PRUNE2: variants seen among roughly 807,000 people sequenced by gnomAD.
PRUNE2 encodes prune homolog 2 with BCH domain.
PRUNE2 carries 164 observed loss-of-function variants against 252.0 expected under a neutral mutation model. That is an observed-to-expected ratio of 0.65 (90% CI 0.57 to 0.74). The LOEUF (loss-of-function observed/expected upper bound fraction) is 0.74, where lower values mean the gene tolerates loss of function less well. Among genes scored for constraint, PRUNE2 ranks in the 30% least tolerant of loss-of-function variants. PRUNE2 has a pLI of 0.00. For missense variants in PRUNE2, 3,495 were observed against 3,711.0 expected, an observed-to-expected ratio of 0.94 and a Z score of 1.51; for synonymous variants, 1,292 against 1,350.2, an observed-to-expected ratio of 0.96 and a Z score of 0.94.
At chr9:76,673,957 G>A (rs2042025740) in intron 9 of PRUNE2, among the ~76,000 whole-genome samples, 1 of 152,140 alleles carries the variant, frequency 6.6e-6, no homozygotes, top group Admixed American at 6.5e-5. Context: ...CATACTGAAT[G>A]GGCAAAAACT....
chr9:76,808,734 G>A (rs1484417495), intron 6 of PRUNE2: 1 of 152,706 alleles, frequency 6.5e-6, no homozygotes, highest in East Asian at 1.9e-4. Flanking sequence ...TAATTAACTG[G>A]ATTACACGGT....
intron 2 of PRUNE2, among the ~76,000 whole-genome samples, chr9:76,851,924 T>C (rs371993594): frequency 6.6e-6 from 1 of 152,146 alleles, no homozygotes; most frequent in African/African-American, 2.4e-5. Flanking sequence ...TAATCCTAAC[T>C]ATCAATGAGA....
intron 6 of PRUNE2, among the ~76,000 whole-genome samples, chr9:76,731,795 C>A (rs548039568): frequency 2.0e-5 from 3 of 152,234 alleles, no homozygotes; most frequent in African/African-American, 7.2e-5. Flanking sequence ...GCTTTGTCTG[C>A]ATTATTTAGA....
rs563800075 is a variant in PRUNE2 at position 76,874,033 on chromosome 9, A to G, written c.37-19825T>C. ...TGTCACTGCAGTGCTTGCTCAGTACATCTCTTCGGGAGATGTAATACTGAA... is the reference window on the plus strand; with the variant it reads ...TGTCACTGCAGTGCTTGCTCAGTACGTCTCTTCGGGAGATGTAATACTGAA... On this transcript the variant is annotated intron_variant, in intron 1 of 18. Coordinates refer to ENST00000376718, the MANE Select transcript of PRUNE2 (RefSeq NM_015225.3). 1.6e-4 allele frequency among the ~76,000 whole-genome samples: 24 copies of G among 152,306 alleles called. 1 individual carries two copies. The highest frequency in any genetic ancestry group is 5.5e-4 in the African/African-American group (23 of 41,570).
At chr9:76,749,126 C>T (rs954777075) in intron 6 of PRUNE2, among the ~76,000 whole-genome samples, 5 of 152,306 alleles carry the variant, frequency 3.3e-5, no homozygotes, top group African/African-American at 1.2e-4. Flanking sequence ...TACAAGACGT[C>T]GGTTCCATGT....
At chr9:76,713,480 A>G in intron 7 of PRUNE2, 83 bp downstream of exon 7, 1 of 1,143,172 alleles carries the variant, frequency 8.7e-7, no homozygotes, top group Non-Finnish European at 1.2e-6. Flanking sequence ...TGAGCCACCA[A>G]TCTGTTCTGT....
At chr9:76,650,519 T>C (rs1448710769) in intron 11 of PRUNE2, among the ~76,000 whole-genome samples, 22 of 152,178 alleles carry the variant, frequency 1.4e-4, no homozygotes. Context: ...CAAACATATT[T>C]ATAATCCAAC....
intron 6 of PRUNE2, among the ~76,000 whole-genome samples, chr9:76,747,615 C>T (rs2050239247): frequency 6.6e-6 from 1 of 152,124 alleles, no homozygotes; most frequent in Non-Finnish European, 1.5e-5. Context: ...GAGTTGGTTC[C>T]TGTATGTGCT....
At chr9:76,889,905 A>G (rs1651456097) in intron 1 of PRUNE2, among the ~76,000 whole-genome samples, 1 of 152,282 alleles carries the variant, frequency 6.6e-6, no homozygotes, top group South Asian at 2.1e-4. Context: ...AGCCTGTTAG[A>G]AGTGCAAAAT....
rs549542024 is a variant in PRUNE2, at chr9:76,804,714, G to C, written c.756+18918C>G. ...GGTGCTGGGAAGGAGAAAGAGAGTGGGGGCAGCGTGCTTGTTCCTACATTT... is the reference window on the plus strand; with the variant it reads ...GGTGCTGGGAAGGAGAAAGAGAGTGCGGGCAGCGTGCTTGTTCCTACATTT... On this transcript the variant is annotated intron_variant, in intron 6 of 18. Coordinates refer to ENST00000376718, the MANE Select transcript of PRUNE2 (RefSeq NM_015225.3). 2.6e-5 allele frequency among the ~76,000 whole-genome samples: 4 copies of C among 152,292 alleles called. No individual in the cohort carries two copies. The South Asian group carries it at 8.3e-4, about 32-fold the overall frequency.
At chr9:76,626,948 A>AAT (rs1835065033) in intron 16 of PRUNE2, among the ~76,000 whole-genome samples, 1 of 152,156 alleles carries the variant, frequency 6.6e-6, no homozygotes, top group Non-Finnish European at 1.5e-5. Flanking sequence ...TAAGTCTCTA[A>AAT]AGCCCATTCA....
rs760557772 is a variant in PRUNE2 at position 76,710,923 on chromosome 9, G to A, written c.1351C>T (p.Pro451Ser). ...TGAGGCCCAGCACCTTCTCCCACGGGGCTGTCGTCACTGAGGAAAACAGAG... is the reference window on the plus strand; with the variant it reads ...TGAGGCCCAGCACCTTCTCCCACGGAGCTGTCGTCACTGAGGAAAACAGAG... Reference protein sequence around the residue: ...ESSVFLSDDSPVGEGAGPHHT... With the variant: ...ESSVFLSDDSSVGEGAGPHHT... Residue 451 changes from proline (P) to serine (S), a missense_variant, in exon 8 of 19, where the codon CCC becomes TCC. Physicochemically the swap from Pro to Ser is moderately conservative, Grantham distance 74 (BLOSUM62 -1). Transcript: ENST00000376718. 24 of 1,565,732 alleles carry A rather than the reference G, an allele frequency of 1.5e-5. No individual in the cohort carries two copies. The South Asian group carries it at 2.8e-4, about 18-fold the overall frequency.
In PRUNE2 at chr9:76,637,478, G is replaced by A; in HGVS notation, c.8903C>T (p.Pro2968Leu). 1 of 1,613,368 alleles carries A rather than the reference G, an allele frequency of 6.2e-7. No homozygotes were observed. The highest frequency in any genetic ancestry group is 8.5e-7 in the Non-Finnish European group (1 of 1,179,632). Residue 2968 changes from proline (P) to leucine (L), a missense_variant, in exon 14 of 19, where the codon CCA becomes CTA. Transcript: ENST00000376718. ...GCCTAGCCCTGGCATCCTCCTTCTTGGGGTTGCACCATTCAAGTACACAAT... is the reference window on the plus strand; with the variant it reads ...GCCTAGCCCTGGCATCCTCCTTCTTAGGGTTGCACCATTCAAGTACACAAT... ...YMIVYLNGAT[P>L]RRRMPGLGWM...
intron 6 of PRUNE2, chr9:76,788,507 C>G (rs776895603): frequency 9.7e-6 from 7 of 719,066 alleles, no homozygotes; most frequent in African/African-American, 8.7e-5. Context: ...AGCCATGTGC[C>G]CTTGGGGAAA....
Position 76,705,156 on chromosome 9 carries a change from A to T in PRUNE2, c.7118T>A (p.Leu2373Gln). 6.2e-7 allele frequency: 1 copy of T among 1,614,014 alleles called. No individual in the cohort carries two copies. Among genetic ancestry groups the T allele is most frequent in the Non-Finnish European group, 8.5e-7 (1 of 1,179,886 alleles). ...EDLLREPEHF[L>Q]YGGDPPLEED... ...CTCCAAAGGAGGGTCACCACCATAC[A>T]GGAAGTGTTCAGGCTCTCTCAGTAA... The change falls in exon 8 of 19, where the codon CTG becomes CAG. Residue 2373 changes from leucine to glutamine, a missense_variant. Transcript: ENST00000376718.
chr9:76,733,884 G>C (rs1239195515), intron 6 of PRUNE2, among the ~76,000 whole-genome samples: 1 of 150,874 alleles, frequency 6.6e-6, no homozygotes, highest in African/African-American at 2.4e-5. Context: ...GATCCAAAAA[G>C]ATTTTTTTTT....
At chr9:76,747,227 A>T (rs1218367004) in intron 6 of PRUNE2, among the ~76,000 whole-genome samples, 1 of 152,154 alleles carries the variant, frequency 6.6e-6, no homozygotes. Context: ...GGTGTCTAAG[A>T]GGTAGAAGAG....
At chr9:76,673,442 C>G (rs1187428969) in intron 9 of PRUNE2, among the ~76,000 whole-genome samples, 2 of 125,144 alleles carry the variant, frequency 1.6e-5, no homozygotes, top group African/African-American at 6.2e-5. Context: ...AGTCCAGGAC[C>G]AGATGGATTC....
rs189489551 is a variant in PRUNE2 at position 76,679,128 on chromosome 9, C to T, written c.8277-23626G>A. Among the ~76,000 whole-genome samples the T allele has an allele frequency of 1.4e-4, 21 of 152,124 alleles. No individual in the cohort carries two copies. The East Asian group carries it at 3.3e-3, about 24-fold the overall frequency. ...CCTCAGTTTCCTTATCTGTAAAATG[C>T]GAAAAGTAACACTACTTACTTAGAA... On this transcript the variant is annotated intron_variant, in intron 9 of 18. Transcript: ENST00000376718.
Sources: allele counts gnomAD v4.1 joint callset (sites outside exome capture counted in the v4.1 genomes callset), GRCh38; gene constraint gnomAD v4.1.1; transcripts MANE v1.5; gene names NCBI Gene and HGNC (gene_info 2026-07-23, HGNC 2026-07-21).